The following SCN11A variants were observed in gnomAD, a reference collection of about 807,000 sequenced individuals.
SCN11A encodes sodium channel protein type 11 subunit alpha.
SCN11A carries 122 observed loss-of-function variants against 162.2 expected under a neutral mutation model. That is an observed-to-expected ratio of 0.75 (90% CI 0.65 to 0.87). The LOEUF is 0.87. Among genes scored for constraint, SCN11A ranks in the 40% least tolerant of loss-of-function variants. SCN11A has a pLI of 0.00. For missense variants in SCN11A, 2,015 were observed against 2,181.6 expected, an observed-to-expected ratio of 0.92 and a Z score of 1.52; for synonymous variants, 758 against 751.5, an observed-to-expected ratio of 1.01 and a Z score of -0.14.
intron 16 of SCN11A, among the ~76,000 whole-genome samples, chr3:38,901,021 G>A (rs913961808): frequency 2.6e-5 from 4 of 151,872 alleles, no homozygotes; most frequent in Non-Finnish European, 1.5e-5. Context: ...AAATAGAAAT[G>A]AAAAAAGCAA....
At chr3:38,905,126 GGAA>G (rs1229778917) in intron 15 of SCN11A, 63 bp downstream of exon 15, 10 of 1,603,024 alleles carry the variant, frequency 6.2e-6, no homozygotes, top group African/African-American at 1.3e-5. Context: ...TAGGGGATTG[GGAA>G]GAAGAAGAAT....
chr3:39,038,169 T>C (rs1427989444), intron 1 of SCN11A, among the ~76,000 whole-genome samples: 1 of 152,238 alleles, frequency 6.6e-6, no homozygotes, highest in Non-Finnish European at 1.5e-5. Context: ...CTTAGCCACT[T>C]AAAACAATAA....
intron 7 of SCN11A, among the ~76,000 whole-genome samples, chr3:38,937,965 T>G (rs368490365): frequency 0.055 from 8,280 of 151,886 alleles, 741 homozygotes; most frequent in African/African-American, 0.19. Flanking sequence ...CAATAGCAAA[T>G]ACTTGGAACC....
intron 7 of SCN11A, among the ~76,000 whole-genome samples, chr3:38,936,709 A>G (rs1253048528): frequency 1.3e-5 from 2 of 152,192 alleles, no homozygotes; most frequent in Non-Finnish European, 2.9e-5. Flanking sequence ...CCGCTGCTCA[A>G]TGAAATAAAA....
intron 19 of SCN11A, among the ~76,000 whole-genome samples, chr3:38,888,372 C>T (rs2065436890): frequency 6.6e-6 from 1 of 152,166 alleles, no homozygotes; most frequent in Non-Finnish European, 1.5e-5. Context: ...TACAGACAAT[C>T]ATAGAACTTA....
intron 9 of SCN11A, among the ~76,000 whole-genome samples, chr3:38,925,118 C>T (rs1559535487): frequency 6.6e-6 from 1 of 152,038 alleles, no homozygotes; most frequent in South Asian, 2.1e-4. Context: ...CACTTGCTCA[C>T]ATGCTACATA....
intron 1 of SCN11A, among the ~76,000 whole-genome samples, chr3:39,041,801 A>G (rs2032053818): frequency 6.6e-6 from 1 of 150,796 alleles, no homozygotes; most frequent in Admixed American, 6.6e-5. Flanking sequence ...AGAAAGAAAA[A>G]TAAACTTTAT....
chr3:38,930,806 C>T (rs1431723923), intron 7 of SCN11A, among the ~76,000 whole-genome samples: 4 of 152,142 alleles, frequency 2.6e-5, no homozygotes, highest in Non-Finnish European at 1.5e-5. Flanking sequence ...CCCACATTCA[C>T]GTATCCACTG....
chr3:38,995,197 C>T (rs2030586298), intron 2 of SCN11A, among the ~76,000 whole-genome samples: 2 of 150,836 alleles, frequency 1.3e-5, no homozygotes, highest in South Asian at 4.2e-4. Context: ...GTGGCGCGAT[C>T]TCGGCTCACT....
At chr3:38,855,665 C>T (rs1009104565) in intron 28 of SCN11A, among the ~76,000 whole-genome samples, 1 of 152,152 alleles carries the variant, frequency 6.6e-6, no homozygotes, top group Non-Finnish European at 1.5e-5. Context: ...AAGGAGAAAA[C>T]GACAGCTAAT....
intron 1 of SCN11A, among the ~76,000 whole-genome samples, chr3:39,036,529 T>C (rs753290678): frequency 6.6e-6 from 1 of 152,192 alleles, no homozygotes; most frequent in Non-Finnish European, 1.5e-5. Context: ...AAAAAGCTTC[T>C]GCACAGCAAA....
At chr3:38,848,577 T>C (rs182142457) in intron 29 of SCN11A, among the ~76,000 whole-genome samples, 25 of 152,338 alleles carry the variant, frequency 1.6e-4, no homozygotes, top group Admixed American at 1.4e-3. Flanking sequence ...GTTTAATTCA[T>C]ACTTTAATTG....
rs2065136982 is a variant in SCN11A at position 38,872,121 on chromosome 3, C to A, written c.3495+72G>T. 25 of 932,398 alleles carry A rather than the reference C, an allele frequency of 2.7e-5. No individual in the cohort carries two copies. In the South Asian group the frequency reaches 3.5e-4, roughly 13 times the overall value. 57.8% of individuals were successfully genotyped at this position (932,398 alleles called of 1,614,324 possible). ...CTTGGCAATTTAAGGAAATCTCAGC[C>A]CAAAAAGAACTGTTGGTCTTTCCAC... is the stretch of plus-strand genomic sequence containing the variant. On this transcript the variant is annotated intron_variant, in intron 24 of 29. Coordinates refer to ENST00000302328, the MANE Select transcript of SCN11A (RefSeq NM_001349253.2).
intron 7 of SCN11A, among the ~76,000 whole-genome samples, chr3:38,939,857 C>T (rs369815869): frequency 5.3e-5 from 8 of 150,914 alleles, no homozygotes; most frequent in Admixed American, 2.0e-4. Flanking sequence ...GAGCCAAAAT[C>T]GCGCCATTGC....
chr3:38,942,862 A>G (rs2066461435), intron 7 of SCN11A, among the ~76,000 whole-genome samples: 1 of 152,198 alleles, frequency 6.6e-6, no homozygotes, highest in Non-Finnish European at 1.5e-5. Flanking sequence ...ACTTTCATAT[A>G]TTGCTGATAT....
chr3:38,894,722 G>A lies in SCN11A; in HGVS notation c.2646C>T (p.Pro882=), dbSNP rs141598286. 3.9e-4 allele frequency: 632 copies of A among 1,614,016 alleles called. No individual in the cohort carries two copies. The highest frequency in any genetic ancestry group is 1.1e-3 in the South Asian group (100 of 91,084). Residue 882 remains proline (P), a synonymous_variant, in exon 19 of 30, where the codon CCC becomes CCT. Coordinates refer to ENST00000302328, the MANE Select transcript of SCN11A (RefSeq NM_001349253.2). ...GCAAQSKDII[P]LVMEMKRGSE... ...AGCCCCTTTTCATCTCCATGACCAGGGGAATGATGTCTTTGCTTTGTGCAG... is the reference window on the plus strand; with the variant it reads ...AGCCCCTTTTCATCTCCATGACCAGAGGAATGATGTCTTTGCTTTGTGCAG...
rs1426729882 is a variant in SCN11A, at chr3:38,909,957, G to A, written c.1101+109C>T. 8 of 1,017,596 alleles carry A rather than the reference G, an allele frequency of 7.9e-6. No homozygotes were observed. The African/African-American group carries it at 1.2e-4, about 15-fold the overall frequency. The allele number at this position is 1,017,596 out of a possible 1,614,324, so 63.0% of individuals were successfully genotyped here. ...GATGAGACAGATGATAAAAGTGGGG[G>A]ATGAATGGTAGTTATAAATAAATGG... On this transcript the variant is annotated intron_variant, in intron 12 of 29. Transcript: ENST00000302328.
intron 28 of SCN11A, among the ~76,000 whole-genome samples, chr3:38,860,209 G>A (rs7625111): frequency 6.2e-4 from 94 of 152,112 alleles, no homozygotes; most frequent in African/African-American, 2.2e-3. Flanking sequence ...CTGAATGCTC[G>A]GGGAGACTGA....
chr3:38,903,535 A>G (rs1430350838), intron 16 of SCN11A, among the ~76,000 whole-genome samples: 2 of 152,240 alleles, frequency 1.3e-5, no homozygotes, highest in African/African-American at 4.8e-5. Flanking sequence ...TGGGACCACA[A>G]CAGCCATTAC....
Sources: gnomAD v4.1 joint callset for allele counts (sites outside exome capture counted in the v4.1 genomes callset) on GRCh38, gnomAD v4.1.1 for gene constraint, MANE v1.5 for transcripts, NCBI Gene and HGNC (gene_info 2026-07-23, HGNC 2026-07-21) for gene names.